The following HSF5 variants were observed in gnomAD, a reference collection of about 807,000 sequenced individuals.
The protein encoded by HSF5 is heat shock transcription factor 5.
Under a neutral mutation model 50.8 loss-of-function variants are expected in HSF5, and 5 were observed. The observed-to-expected ratio is 0.10, with a 90% confidence interval of 0.05 to 0.21. HSF5 has a LOEUF of 0.21. Ranked by LOEUF, HSF5 falls within the 10% of genes least tolerant of loss-of-function variation. HSF5 has a pLI of 1.00. For missense variants in HSF5, 564 were observed against 762.6 expected, an observed-to-expected ratio of 0.74 and a Z score of 3.07; for synonymous variants, 307 against 307.4, an observed-to-expected ratio of 1.00 and a Z score of 0.02.
chr17:58,465,585 C>A, intron 3 of HSF5, among the ~76,000 whole-genome samples: 2 of 147,744 alleles, frequency 1.4e-5, no homozygotes. Flanking sequence ...CTCCAAACAA[C>A]AATCTGATTA....
At chr17:58,468,758 C>A (rs1305991518) in intron 2 of HSF5, among the ~76,000 whole-genome samples, 2 of 151,938 alleles carry the variant, frequency 1.3e-5, no homozygotes, top group Non-Finnish European at 2.9e-5. Flanking sequence ...ATTTTGCACA[C>A]AGAAAGAAAA....
chr17:58,457,401 C>A (rs1316746155), intron 5 of HSF5, among the ~76,000 whole-genome samples: 1 of 152,042 alleles, frequency 6.6e-6, no homozygotes, highest in African/African-American at 2.4e-5. Context: ...GAGTTCAAGA[C>A]CAGCCTGGCC....
At chr17:58,430,338 C>G (rs1974347054) in intron 5 of HSF5, among the ~76,000 whole-genome samples, 1 of 152,184 alleles carries the variant, frequency 6.6e-6, no homozygotes, top group Admixed American at 6.5e-5. Flanking sequence ...TCCCAAAGTA[C>G]TAGGATTACA....
intron 5 of HSF5, among the ~76,000 whole-genome samples, chr17:58,448,642 C>A (rs557670401): frequency 1.6e-4 from 25 of 152,212 alleles, no homozygotes; most frequent in African/African-American, 6.0e-4. Context: ...GCAAAGCTAT[C>A]CTTCAAACAT....
intron 5 of HSF5, among the ~76,000 whole-genome samples, chr17:58,440,458 T>C (rs1482734487): frequency 1.3e-5 from 2 of 152,208 alleles, no homozygotes; most frequent in Non-Finnish European, 2.9e-5. Flanking sequence ...CCCAATTGCC[T>C]GGTAGAAACA....
chr17:58,450,796 A>G (rs1308224605), intron 5 of HSF5, among the ~76,000 whole-genome samples: 2 of 151,890 alleles, frequency 1.3e-5, no homozygotes, highest in East Asian at 1.9e-4. Context: ...ATAAAAAATA[A>G]TGATAAAGGA....
At chr17:58,437,249 A>G (rs1267328050) in intron 5 of HSF5, among the ~76,000 whole-genome samples, 1 of 152,188 alleles carries the variant, frequency 6.6e-6, no homozygotes, top group African/African-American at 2.4e-5. Flanking sequence ...TTAGAAAGGC[A>G]TTCTTGGTAT....
chr17:58,446,314 A>G (rs570073238), intron 5 of HSF5, among the ~76,000 whole-genome samples: 2 of 152,232 alleles, frequency 1.3e-5, no homozygotes, highest in East Asian at 3.9e-4. Context: ...CATAACAAGA[A>G]AAGACACATT....
At chr17:58,477,099 A>G in intron 2 of HSF5, 1 of 359,376 alleles carries the variant, frequency 2.8e-6, no homozygotes, top group Non-Finnish European at 5.1e-6. Flanking sequence ...GGTATGGGCT[A>G]GGGATATATA....
rs139666706 is a variant in HSF5, at chr17:58,432,036, C to T, written c.1721-9606G>A. Among the ~76,000 whole-genome samples, 78 of 152,218 alleles carry T rather than the reference C, an allele frequency of 5.1e-4. 2 individuals carry two copies. The East Asian group carries it at 0.014, about 27-fold the overall frequency. On this transcript the variant is annotated intron_variant, in intron 5 of 5. Coordinates refer to ENST00000323777, the MANE Select transcript of HSF5 (RefSeq NM_001080439.3). The stretch of plus-strand genomic sequence containing the variant: ...GTGGTGATGGTAGCAGTGGCATTAA[C>T]TGAACTGTACATTTTCAAATGGTTA...
intron 5 of HSF5, among the ~76,000 whole-genome samples, chr17:58,442,403 T>C (rs977091748): frequency 9.9e-5 from 15 of 152,178 alleles, no homozygotes; most frequent in African/African-American, 3.6e-4. Flanking sequence ...AAAGTGGCCA[T>C]CCTTGCCTTG....
chr17:58,463,576 C>A (rs1049813199), intron 3 of HSF5, among the ~76,000 whole-genome samples: 1 of 152,158 alleles, frequency 6.6e-6, no homozygotes, highest in Non-Finnish European at 1.5e-5. Context: ...AAATCAAAAG[C>A]TATAGTACCC....
intron 3 of HSF5, among the ~76,000 whole-genome samples, chr17:58,466,634 A>C (rs1177855212): frequency 1.3e-5 from 2 of 152,204 alleles, no homozygotes; most frequent in Non-Finnish European, 2.9e-5. Flanking sequence ...AATTTCATTT[A>C]ATTTTAATTA....
chr17:58,481,936 G>A (rs1975103075), intron 1 of HSF5, among the ~76,000 whole-genome samples: 1 of 152,156 alleles, frequency 6.6e-6, no homozygotes, highest in African/African-American at 2.4e-5. Context: ...GGAGGTGGAG[G>A]TTGCAGTAAG....
chr17:58,449,931 G>A (rs1974611223), intron 5 of HSF5, among the ~76,000 whole-genome samples: 1 of 147,110 alleles, frequency 6.8e-6, no homozygotes, highest in South Asian at 2.1e-4. Flanking sequence ...GCTGAGGCAG[G>A]AGAATGGCGT....
rs755196832 is a variant in HSF5 at position 58,488,361 on chromosome 17, C to T, written c.-87G>A. 55 of 1,342,256 alleles carry T rather than the reference C, an allele frequency of 4.1e-5. No homozygotes were observed. The African/African-American group carries it at 7.5e-4, about 18-fold the overall frequency. 83.1% of individuals were successfully genotyped at this position (1,342,256 alleles called of 1,614,324 possible). ...TCCCCGGCCTTCGCCTCGCCCTGCC[C>T]GCTCCTGCCGGCGCCCATCCGCCGC... On this transcript the variant is annotated 5_prime_UTR_variant, in exon 1 of 6. Coordinates refer to ENST00000323777, the MANE Select transcript of HSF5 (RefSeq NM_001080439.3). The surrounding 1 kb of genome is among the most constrained non-coding windows in gnomAD (Gnocchi z 4.1).
At chr17:58,439,029 T>C (rs1974464047) in intron 5 of HSF5, among the ~76,000 whole-genome samples, 1 of 150,544 alleles carries the variant, frequency 6.6e-6, no homozygotes, top group Admixed American at 6.6e-5. Context: ...GGGTTGGGGG[T>C]AGGTTGGTTG....
intron 5 of HSF5, among the ~76,000 whole-genome samples, chr17:58,430,941 T>G (rs537424268): frequency 1.3e-5 from 2 of 152,180 alleles, no homozygotes; most frequent in Non-Finnish European, 2.9e-5. Flanking sequence ...CATACTGATA[T>G]AGTTTGGCTG....
At chr17:58,438,180 T>C (rs903515969) in intron 5 of HSF5, among the ~76,000 whole-genome samples, 11 of 152,214 alleles carry the variant, frequency 7.2e-5, no homozygotes, top group African/African-American at 2.4e-4. Flanking sequence ...AAGATTGTAC[T>C]CTATTTTTAC....
Sources: allele counts gnomAD v4.1 joint callset (sites outside exome capture counted in the v4.1 genomes callset), GRCh38; gene constraint gnomAD v4.1.1; non-coding constraint Gnocchi (gnomAD v3.1); transcripts MANE v1.5; gene names NCBI Gene and HGNC (gene_info 2026-07-23, HGNC 2026-07-21).